Variants in ARHGAP19 observed in about 807,000 individuals in gnomAD.
ARHGAP19 encodes the protein Rho GTPase activating protein 19.
ARHGAP19 carries 48 observed loss-of-function variants against 60.9 expected under a neutral mutation model. That is an observed-to-expected ratio of 0.79 (90% CI 0.62 to 1.00). ARHGAP19 has a LOEUF of 1.00. Ranked by LOEUF, ARHGAP19 falls within the 50% of genes least tolerant of loss-of-function variation. The pLI is 0.00. For synonymous variants in ARHGAP19, 209 were observed against 215.5 expected (o/e 0.97, Z 0.27); for missense variants, 562 against 597.2 (o/e 0.94, Z 0.61).
chr10:97,248,147 TAG>T (rs1349014938), intron 6 of ARHGAP19, among the ~76,000 whole-genome samples: 3 of 152,088 alleles, frequency 2.0e-5, no homozygotes, highest in Admixed American at 2.0e-4. Flanking sequence ...TGTACTTTTG[TAG>T]AGACGGGGTT....
At chr10:97,287,755 A>T (rs1843174383) in intron 1 of ARHGAP19, among the ~76,000 whole-genome samples, 1 of 152,054 alleles carries the variant, frequency 6.6e-6, no homozygotes, top group Admixed American at 6.6e-5. Context: ...AAAAAATCAT[A>T]ATAAGTTTTT....
At chr10:97,268,332 C>T (rs1476296658) in intron 1 of ARHGAP19, among the ~76,000 whole-genome samples, 1 of 152,238 alleles carries the variant, frequency 6.6e-6, no homozygotes, top group African/African-American at 2.4e-5. Context: ...AAGTTCCAAA[C>T]TTTCCCACGT....
In ARHGAP19 at chr10:97,292,576, G is replaced by C. The variant is rs919132895; in HGVS notation, c.52C>G (p.Arg18Gly). The C allele has an allele frequency of 6.2e-7, 1 of 1,614,142 alleles. No homozygotes were observed. The highest frequency in any genetic ancestry group is 8.5e-7 in the Non-Finnish European group (1 of 1,180,028). ...ACTGGACCAAACTCAGCTCACCTCCGGCCGGATTCGCGGGCTGGCACCTCC... is the reference window on the plus strand; with the variant it reads ...ACTGGACCAAACTCAGCTCACCTCCCGCCGGATTCGCGGGCTGGCACCTCC... ...EGEVPARESGRSDAICSFVIC... is the reference protein window; with the variant it reads ...EGEVPARESGGSDAICSFVIC... The change falls in exon 1 of 12, where the codon CGG (arginine) becomes GGG (glycine). Residue 18 changes from arginine to glycine, a missense_variant. Arg to Gly is a moderately radical substitution (Grantham distance 125). Coordinates refer to ENST00000358531, the MANE Select transcript of ARHGAP19 (RefSeq NM_032900.6).
At chr10:97,239,362 G>A (rs1032129165) in intron 8 of ARHGAP19, among the ~76,000 whole-genome samples, 3 of 152,108 alleles carry the variant, frequency 2.0e-5, no homozygotes, top group Admixed American at 6.6e-5. Context: ...CAGGCATGGT[G>A]GCACGCGCCT....
At position 97,263,428 on chromosome 10, in the gene ARHGAP19, T is replaced by C; in HGVS notation, c.605A>G (p.Lys202Arg). The C allele has an allele frequency of 6.2e-7, 1 of 1,614,098 alleles. No homozygotes were observed. Among genetic ancestry groups the C allele is most frequent in the South Asian group, 1.1e-5 (1 of 91,084 alleles). The change falls in exon 4 of 12, where the codon AAA (lysine) becomes AGA (arginine). Residue 202 changes from lysine (K) to arginine (R), a missense_variant. Coordinates refer to ENST00000358531, the MANE Select transcript of ARHGAP19 (RefSeq NM_032900.6). ...LTHKHFNAHL[K>R]IADLMQFDDK... ...TTACTTCCTATACTCACCAGCGATTTTGAGGTGTGCATTGAAGTGTTTATG... is the reference window on the plus strand; with the variant it reads ...TTACTTCCTATACTCACCAGCGATTCTGAGGTGTGCATTGAAGTGTTTATG...
In ARHGAP19 at chr10:97,229,992, T is replaced by A. The variant is rs1005475521; in HGVS notation, c.1285-118A>T. On this transcript the variant is annotated intron_variant, in intron 9 of 11. Coordinates refer to ENST00000358531, the MANE Select transcript of ARHGAP19 (RefSeq NM_032900.6). ...TAAAAAAATCTCAGCATTCTGATAA[T>A]CCTGTATGGACCCTCTCAGGCCATC... 1.0e-4 allele frequency: 74 copies of A among 737,074 alleles called. No homozygotes were observed. The African/African-American group carries it at 1.1e-3, about 11-fold the overall frequency. The allele number at this position is 737,074 out of a possible 1,614,324, so 45.7% of individuals were successfully genotyped here.
At chr10:97,253,460 G>C (rs890036485) in intron 6 of ARHGAP19, among the ~76,000 whole-genome samples, 1 of 152,030 alleles carries the variant, frequency 6.6e-6, no homozygotes, top group African/African-American at 2.4e-5. Context: ...ATAGAGGTAG[G>C]GAGTAGAATA....
intron 11 of ARHGAP19, among the ~76,000 whole-genome samples, chr10:97,227,627 G>A (rs1237919070): frequency 6.6e-6 from 1 of 152,202 alleles, no homozygotes; most frequent in African/African-American, 2.4e-5. Flanking sequence ...AGAGAGTAAA[G>A]TGAAAATGCC....
intron 6 of ARHGAP19, among the ~76,000 whole-genome samples, chr10:97,248,496 C>T (rs372420337): frequency 3.6e-4 from 54 of 152,064 alleles, no homozygotes; most frequent in Middle Eastern, 6.8e-3. Flanking sequence ...GAAAAAGTTG[C>T]GTAGTATTAA....
intron 1 of ARHGAP19, among the ~76,000 whole-genome samples, chr10:97,284,300 T>C (rs1843125598): frequency 6.6e-6 from 1 of 152,068 alleles, no homozygotes; most frequent in Admixed American, 6.6e-5. Context: ...TTTTTGTCTT[T>C]TTAGTAGAGA....
At chr10:97,238,803 C>A (rs78942483) in intron 8 of ARHGAP19, among the ~76,000 whole-genome samples, 1 of 152,100 alleles carries the variant, frequency 6.6e-6, no homozygotes, top group Non-Finnish European at 1.5e-5. Context: ...AGTCTACAGT[C>A]GTGTCAGCAA....
At chr10:97,227,103 T>C (rs1179522364) in intron 11 of ARHGAP19, among the ~76,000 whole-genome samples, 1 of 152,240 alleles carries the variant, frequency 6.6e-6, no homozygotes, top group African/African-American at 2.4e-5. Context: ...TGAACCAACA[T>C]GTCAGTAGTG....
chr10:97,242,206 A>G, intron 8 of ARHGAP19, among the ~76,000 whole-genome samples: 1 of 150,956 alleles, frequency 6.6e-6, no homozygotes, highest in East Asian at 1.9e-4. Flanking sequence ...AGAAATGCCC[A>G]CAACATAAAC....
chr10:97,253,952 C>G (rs906645804), intron 6 of ARHGAP19, among the ~76,000 whole-genome samples: 2 of 152,012 alleles, frequency 1.3e-5, no homozygotes, highest in Admixed American at 6.6e-5. Flanking sequence ...AACATATCTC[C>G]CATGGATAAG....
At chr10:97,276,633 T>C (rs1327582715) in intron 1 of ARHGAP19, among the ~76,000 whole-genome samples, 1 of 4,656 alleles carries the variant, frequency 2.1e-4, no homozygotes, top group African/African-American at 2.3e-4. Context: ...GCCAGCCGCC[T>C]CGTCCGGGAG....
In ARHGAP19 at chr10:97,259,491, A is replaced by G. The variant is rs764792796; in HGVS notation, c.751T>C (p.Tyr251His). The G allele has an allele frequency of 6.2e-7, 1 of 1,614,184 alleles. No homozygotes were observed. Among genetic ancestry groups the G allele is most frequent in the Non-Finnish European group, 8.5e-7 (1 of 1,180,016 alleles). ...NLLKLLLDLL[Y>H]QTAKKQDKNK... is the part of the protein sequence containing the mutation. Reference sequence around the variant, plus strand: ...TTGTCTTGTTTCTTTGCTGTCTGGTATAGGAGATCAAGCAATAACTTCAGC... The same window carrying G: ...TTGTCTTGTTTCTTTGCTGTCTGGTGTAGGAGATCAAGCAATAACTTCAGC... Residue 251 changes from tyrosine (Y) to histidine (H), a missense_variant, in exon 5 of 12, where the codon TAC (tyrosine) becomes CAC (histidine). Physicochemically the swap from Tyr to His is moderately conservative, Grantham distance 83. Transcript: ENST00000358531.
At chr10:97,237,276 A>AAAC (rs1484729424) in intron 8 of ARHGAP19, among the ~76,000 whole-genome samples, 42 of 151,722 alleles carry the variant, frequency 2.8e-4, no homozygotes, top group Middle Eastern at 3.4e-3. Flanking sequence ...AAAAAAAAAA[A>AAAC]AAAAAACTCA....
intron 11 of ARHGAP19, among the ~76,000 whole-genome samples, chr10:97,228,060 C>T (rs1238339664): frequency 6.6e-6 from 1 of 152,142 alleles, no homozygotes; most frequent in East Asian, 1.9e-4. Flanking sequence ...AAAACTCAAA[C>T]CCCCATCTTG....
chr10:97,251,029 C>A (rs1842637270), intron 6 of ARHGAP19, among the ~76,000 whole-genome samples: 1 of 149,932 alleles, frequency 6.7e-6, no homozygotes, highest in Admixed American at 6.7e-5. Flanking sequence ...CTACTGCACT[C>A]CAGCCTGGGG....
Sources: allele counts gnomAD v4.1 joint callset (sites outside exome capture counted in the v4.1 genomes callset), GRCh38; gene constraint gnomAD v4.1.1; transcripts MANE v1.5; gene names NCBI Gene and HGNC (gene_info 2026-07-23, HGNC 2026-07-21).